The following VWC2L variants were observed in gnomAD, a reference collection of about 807,000 sequenced individuals.
The protein encoded by VWC2L is von Willebrand factor C domain containing 2 like.
A neutral mutation model predicts 21.6 loss-of-function variants in VWC2L; 10 were observed. That is an observed-to-expected ratio of 0.46 (90% CI 0.29 to 0.78). The LOEUF (loss-of-function observed/expected upper bound fraction) is 0.78, where lower values mean the gene tolerates loss of function less well. Among genes scored for constraint, VWC2L ranks in the 30% least tolerant of loss-of-function variants. VWC2L has a pLI of 0.10. For missense variants in VWC2L, 209 were observed against 277.1 expected (o/e 0.75, Z 1.74); for synonymous variants, 96 against 94.3 (o/e 1.02, Z -0.10).
intron 3 of VWC2L, among the ~76,000 whole-genome samples, chr2:214,528,717 A>G (rs188870194): frequency 6.6e-6 from 1 of 152,278 alleles, no homozygotes; most frequent in East Asian, 1.9e-4. Flanking sequence ...AAATAACAAC[A>G]ACAAAACATA....
At chr2:214,469,567 C>T (rs1402719121) in intron 3 of VWC2L, among the ~76,000 whole-genome samples, 1 of 151,876 alleles carries the variant, frequency 6.6e-6, no homozygotes. Flanking sequence ...TGCACTCCAG[C>T]CTGGGCGACA....
At chr2:214,418,391 A>C (rs974981729) in intron 2 of VWC2L, among the ~76,000 whole-genome samples, 2 of 152,212 alleles carry the variant, frequency 1.3e-5, no homozygotes, top group African/African-American at 4.8e-5. Flanking sequence ...AGCTGGAAAG[A>C]GGAAAAAGTA....
Position 214,436,879 on chromosome 2 carries a change from A to G in VWC2L, c.520+121A>G, listed in dbSNP as rs1178413916. On this transcript the variant is annotated intron_variant, in intron 3 of 3. Coordinates refer to ENST00000312504, the MANE Select transcript of VWC2L (RefSeq NM_001080500.4). ...CTGCCTGTGGCTTTTCAATATGGGC[A>G]TGGCGGATGTATATTTTTATCCCAT... 6.2e-6 allele frequency: 7 copies of G among 1,128,672 alleles called. No individual in the cohort carries two copies. The African/African-American group carries it at 1.1e-4, about 18-fold the overall frequency. 69.9% of individuals were successfully genotyped at this position (1,128,672 alleles called of 1,614,324 possible). A position where few individuals can be genotyped will look rare whatever the true frequency, so the allele number is the denominator to read the frequency against.
intron 3 of VWC2L, among the ~76,000 whole-genome samples, chr2:214,471,058 A>G (rs1406278317): frequency 6.6e-6 from 1 of 152,042 alleles, no homozygotes; most frequent in Non-Finnish European, 1.5e-5. Flanking sequence ...ATGAGTTTAA[A>G]TTGATTTTTC....
At chr2:214,479,546 T>C (rs541643643) in intron 3 of VWC2L, among the ~76,000 whole-genome samples, 2 of 152,332 alleles carry the variant, frequency 1.3e-5, no homozygotes, top group East Asian at 3.9e-4. Context: ...AGCTTACGCC[T>C]GTTATCCCAG....
Position 214,425,605 on chromosome 2 carries a change from A to G in VWC2L, c.390+11022A>G, listed in dbSNP as rs545832318. Among the ~76,000 whole-genome samples the G allele has an allele frequency of 2.0e-5, 3 of 152,142 alleles. No homozygotes were observed. In the East Asian group the frequency reaches 5.8e-4, roughly 29 times the overall value. On this transcript the variant is annotated intron_variant, in intron 2 of 3. Transcript: ENST00000312504. ...TAATATAATAGATATATTTAGGATTATATTAAGTGAAAACATGTATACATT... is the reference window on the plus strand; with the variant it reads ...TAATATAATAGATATATTTAGGATTGTATTAAGTGAAAACATGTATACATT...
intron 2 of VWC2L, among the ~76,000 whole-genome samples, chr2:214,421,666 A>C (rs1425147922): frequency 6.6e-6 from 1 of 152,038 alleles, no homozygotes; most frequent in Non-Finnish European, 1.5e-5. Context: ...GTTTACAGAC[A>C]TGATTGCCCA....
At chr2:214,506,563 C>G (rs9941661) in intron 3 of VWC2L, among the ~76,000 whole-genome samples, 5,069 of 152,188 alleles carry the variant, frequency 0.033, 260 homozygotes, top group African/African-American at 0.12. Context: ...TAGAAATCAT[C>G]ACATGTTTTG....
chr2:214,456,416 G>A (rs1172089687), intron 3 of VWC2L, among the ~76,000 whole-genome samples: 1 of 151,510 alleles, frequency 6.6e-6, no homozygotes, highest in Non-Finnish European at 1.5e-5. Context: ...TTTTTGTTTG[G>A]GGGTTTTTGT....
chr2:214,449,984 G>A (rs1702929470), intron 3 of VWC2L, among the ~76,000 whole-genome samples: 1 of 152,136 alleles, frequency 6.6e-6, no homozygotes, highest in Non-Finnish European at 1.5e-5. Context: ...TAATTAGATA[G>A]TTGGCAGTGT....
chr2:214,531,725 C>T (rs568960458), intron 3 of VWC2L, among the ~76,000 whole-genome samples: 1 of 152,214 alleles, frequency 6.6e-6, no homozygotes, highest in African/African-American at 2.4e-5. Context: ...GGAGCGCCCA[C>T]ATGAAAACAT....
At chr2:214,523,247 G>T (rs1056885649) in intron 3 of VWC2L, among the ~76,000 whole-genome samples, 1 of 152,086 alleles carries the variant, frequency 6.6e-6, no homozygotes, top group East Asian at 1.9e-4. Context: ...TGAGGAATTC[G>T]CATTCTTGAG....
chr2:214,548,863 A>G (rs1019920979), intron 3 of VWC2L, among the ~76,000 whole-genome samples: 2 of 152,170 alleles, frequency 1.3e-5, no homozygotes, highest in African/African-American at 4.8e-5. Context: ...CATTATCTAC[A>G]TGTTGATTCA....
intron 3 of VWC2L, among the ~76,000 whole-genome samples, chr2:214,552,704 C>G (rs775328450): frequency 6.6e-6 from 1 of 151,906 alleles, no homozygotes; most frequent in South Asian, 2.1e-4. Context: ...AGTCATCTTC[C>G]TATTATATAT....
At chr2:214,504,367 A>C (rs559397709) in intron 3 of VWC2L, among the ~76,000 whole-genome samples, 2 of 152,312 alleles carry the variant, frequency 1.3e-5, no homozygotes, top group Admixed American at 1.3e-4. Context: ...TCCATGTCTA[A>C]GTGTTTAGAG....
Position 214,530,512 on chromosome 2 carries a change from C to T in VWC2L, c.521-45160C>T, listed in dbSNP as rs143856582. Among the ~76,000 whole-genome samples the T allele has an allele frequency of 9.2e-3, 1,400 of 152,246 alleles. 13 individuals are homozygous for T. Among genetic ancestry groups the T allele is most frequent in the Non-Finnish European group, 0.012 (783 of 68,024 alleles). On this transcript the variant is annotated intron_variant, in intron 3 of 3. Transcript: ENST00000312504. Reference sequence around the variant, plus strand: ...CTTTATTAATAACACATTCTTAGCACTGACAAAGCTGAAAAGATAGGCAGA... The same window carrying T: ...CTTTATTAATAACACATTCTTAGCATTGACAAAGCTGAAAAGATAGGCAGA...
At chr2:214,534,499 T>C (rs1474688891) in intron 3 of VWC2L, among the ~76,000 whole-genome samples, 2 of 152,008 alleles carry the variant, frequency 1.3e-5, no homozygotes, top group South Asian at 4.1e-4. Flanking sequence ...TGAGAAAGCA[T>C]TGGTGGGAGA....
chr2:214,566,634 T>A (rs942432529), intron 3 of VWC2L, among the ~76,000 whole-genome samples: 1 of 151,946 alleles, frequency 6.6e-6, no homozygotes, highest in Non-Finnish European at 1.5e-5. Context: ...CAGGGATGAG[T>A]GAGTAAAATC....
intron 3 of VWC2L, among the ~76,000 whole-genome samples, chr2:214,497,104 C>T (rs1688823466): frequency 6.6e-6 from 1 of 152,148 alleles, no homozygotes; most frequent in African/African-American, 2.4e-5. Context: ...TAAGCTGGTA[C>T]TTACAGAAGT....
Sources: allele counts gnomAD v4.1 joint callset (sites outside exome capture counted in the v4.1 genomes callset), GRCh38; gene constraint gnomAD v4.1.1; transcripts MANE v1.5; gene names NCBI Gene and HGNC (gene_info 2026-07-23, HGNC 2026-07-21).